Variants in OMD observed in about 807,000 individuals in gnomAD.
OMD encodes the protein osteomodulin.
Under a neutral mutation model 31.2 loss-of-function variants are expected in OMD, and 19 were observed. The ratio of observed to expected loss-of-function variants is 0.61; its 90% CI spans 0.42 to 0.89. OMD has a LOEUF of 0.89. OMD is among the 40% of genes least tolerant of loss of function. The pLI is 0.00. For synonymous variants in OMD, 155 were observed against 166.4 expected (o/e 0.93, Z 0.53); for missense variants, 448 against 490.8 (o/e 0.91, Z 0.82).
Position 92,414,037 on chromosome 9 carries a change from A to G in OMD, c.*1115T>C, listed in dbSNP as rs1028733295. On this transcript the variant is annotated 3_prime_UTR_variant, in exon 3 of 3. Coordinates refer to ENST00000375550, the MANE Select transcript of OMD (RefSeq NM_005014.3). ...ATTTGTCCCTTATCTGAGAAATTCT[A>G]TGAAACATTAGCATGGTATATCAAG... Among the ~76,000 whole-genome samples, 20 of 152,330 alleles carry G rather than the reference A, an allele frequency of 1.3e-4. No individual in the cohort carries two copies. Among genetic ancestry groups the G allele is most frequent in the African/African-American group, 4.1e-4 (17 of 41,594 alleles).
chr9:92,413,680 G>A lies in OMD; in HGVS notation c.*1472C>T, dbSNP rs577012533. Among the ~76,000 whole-genome samples the A allele has an allele frequency of 6.6e-6, 1 of 152,080 alleles. No individual in the cohort carries two copies. Among genetic ancestry groups the A allele is most frequent in the Non-Finnish European group, 1.5e-5 (1 of 67,984 alleles). On this transcript the variant is annotated 3_prime_UTR_variant, in exon 3 of 3. Transcript: ENST00000375550. ...GCTTTGCCCATATTGTGGCATCATA[G>A]TTGCACATTGTACTTTGTTTATTGA...
rs377123492 is a variant in OMD, at chr9:92,415,119, G to T, written c.*33C>A. 3.4e-6 allele frequency: 5 copies of T among 1,486,684 alleles called. No individual in the cohort carries two copies. In the African/African-American group the frequency reaches 5.6e-5, roughly 17 times the overall value. 92.1% of individuals were successfully genotyped at this position (1,486,684 alleles called of 1,614,324 possible). ...TTACTATATTAAGTATAGGTTTTGT[G>T]AAGTCGTAAGTGTATACCTATATAG... On this transcript the variant is annotated 3_prime_UTR_variant, in exon 3 of 3. Coordinates refer to ENST00000375550, the MANE Select transcript of OMD (RefSeq NM_005014.3).
intron 2 of OMD, among the ~76,000 whole-genome samples, chr9:92,416,099 T>TATATATATATA (rs1843601377): frequency 7.5e-6 from 1 of 132,850 alleles, no homozygotes; most frequent in African/African-American, 2.8e-5. Context: ...TATTTATTTA[T>TATATATATATA]TTTATTTTTT....
rs1164284241 is a variant in OMD at position 92,412,867 on chromosome 9, G to A, written c.*2285C>T. Among the ~76,000 whole-genome samples, 2 of 151,808 alleles carry A rather than the reference G, an allele frequency of 1.3e-5. No homozygotes were observed. The highest frequency in any genetic ancestry group is 6.6e-5 in the Admixed American group (1 of 15,230). The stretch of plus-strand genomic sequence containing the variant: ...ACATGTGGGTGATTTCTACCTTGTG[G>A]ATAATGCTGCTGTGGACATTTATAT... On this transcript the variant is annotated 3_prime_UTR_variant, in exon 3 of 3. Coordinates refer to ENST00000375550, the MANE Select transcript of OMD (RefSeq NM_005014.3).
rs1843516060 is a variant in OMD, at chr9:92,413,999, G to A, written c.*1153C>T. Reference sequence around the variant, plus strand: ...AGAATTGTTATCATTTGTATAGGCAGCCCTAGATTGGTATTTGTCCCTTAT... The same window carrying A: ...AGAATTGTTATCATTTGTATAGGCAACCCTAGATTGGTATTTGTCCCTTAT... On this transcript the variant is annotated 3_prime_UTR_variant, in exon 3 of 3. Coordinates refer to ENST00000375550, the MANE Select transcript of OMD (RefSeq NM_005014.3). Among the ~76,000 whole-genome samples, 1 of 152,152 alleles carries A rather than the reference G, an allele frequency of 6.6e-6. No individual in the cohort carries two copies. Among genetic ancestry groups the A allele is most frequent in the African/African-American group, 2.4e-5 (1 of 41,430 alleles).
Position 92,413,263 on chromosome 9 carries a change from A to G in OMD, c.*1889T>C, listed in dbSNP as rs1445783135. Among the ~76,000 whole-genome samples, 5 of 152,120 alleles carry G rather than the reference A, an allele frequency of 3.3e-5. No individual in the cohort carries two copies. The highest frequency in any genetic ancestry group is 4.8e-5 in the African/African-American group (2 of 41,414). On this transcript the variant is annotated 3_prime_UTR_variant, in exon 3 of 3. Coordinates refer to ENST00000375550, the MANE Select transcript of OMD (RefSeq NM_005014.3). ...CGGCCTTCCAAAGTGCTGGGATTAC[A>G]GGTGTGAGCTAATGCGCCCGACTAT...
chr9:92,416,110 T>A (rs980423565), intron 2 of OMD, among the ~76,000 whole-genome samples: 13 of 145,806 alleles, frequency 8.9e-5, no homozygotes, highest in East Asian at 7.8e-4. Context: ...TTTATTTTTT[T>A]TTTTTTTAAG....
intron 2 of OMD, among the ~76,000 whole-genome samples, chr9:92,416,074 ATT>A (rs869115945): frequency 8.6e-4 from 117 of 135,976 alleles, no homozygotes; most frequent in East Asian, 8.4e-3. Context: ...ATATATATTT[ATT>A]TATTTATTTA....
chr9:92,420,234 G>T (rs767898487), intron 1 of OMD, among the ~76,000 whole-genome samples: 39 of 152,102 alleles, frequency 2.6e-4, no homozygotes, highest in Non-Finnish European at 4.7e-4. Context: ...CAATTTCCGT[G>T]GAACCTCAGC....
In OMD at chr9:92,414,582, A is replaced by G. The variant is rs1843532706; in HGVS notation, c.*570T>C. 2 of 209,186 alleles carry G rather than the reference A, an allele frequency of 9.6e-6. No individual in the cohort carries two copies. The highest frequency in any genetic ancestry group is 1.9e-5 in the Non-Finnish European group (2 of 102,868). The allele number at this position is 209,186 out of a possible 1,614,324, so 13.0% of individuals were successfully genotyped here. ...CCTTAGTACCTGGATGGCCTCTTAC[A>G]AATCAAAAATATCATTCTATGTGCT... On this transcript the variant is annotated 3_prime_UTR_variant, in exon 3 of 3. Coordinates refer to ENST00000375550, the MANE Select transcript of OMD (RefSeq NM_005014.3).
chr9:92,422,074 A>G (rs1843818955), intron 1 of OMD, among the ~76,000 whole-genome samples: 1 of 151,692 alleles, frequency 6.6e-6, no homozygotes, highest in African/African-American at 2.4e-5. Context: ...TTTGGAGACA[A>G]GAGTCTCGTG....
intron 1 of OMD, among the ~76,000 whole-genome samples, chr9:92,423,265 A>G (rs1843868867): frequency 6.6e-6 from 1 of 152,164 alleles, no homozygotes; most frequent in South Asian, 2.1e-4. Flanking sequence ...AAAGTAATAT[A>G]TATATATTAC....
rs1843852947 is a variant in OMD, at chr9:92,422,900, C to T, written c.-17+1302G>A. On this transcript the variant is annotated intron_variant, in intron 1 of 2. Transcript: ENST00000375550. Reference sequence around the variant, plus strand: ...CATACTCTACAATGTATGCCTTGTTCTCTATAGGATAACTCACAGCAATAT... The same window carrying T: ...CATACTCTACAATGTATGCCTTGTTTTCTATAGGATAACTCACAGCAATAT... 2.0e-5 allele frequency among the ~76,000 whole-genome samples: 3 copies of T among 152,128 alleles called. No individual in the cohort carries two copies. The South Asian group carries it at 6.2e-4, about 31-fold the overall frequency.
intron 2 of OMD, 46 bp from the exon 3 acceptor site, chr9:92,415,523 C>T (rs1843566386): frequency 1.8e-6 from 2 of 1,095,318 alleles, no homozygotes; most frequent in South Asian, 3.6e-5. Context: ...TAGTATAATC[C>T]ATAGTTATAG....
At chr9:92,421,613 A>T (rs992451414) in intron 1 of OMD, among the ~76,000 whole-genome samples, 3 of 152,234 alleles carry the variant, frequency 2.0e-5, no homozygotes, top group African/African-American at 7.2e-5. Flanking sequence ...TACTGTATGT[A>T]AACATGCTTA....
chr9:92,422,986 G>C (rs1175466263), intron 1 of OMD, among the ~76,000 whole-genome samples: 3 of 151,266 alleles, frequency 2.0e-5, no homozygotes, highest in African/African-American at 4.9e-5. Context: ...CTAATACAAT[G>C]CAGTGTTATA....
At position 92,415,284 on chromosome 9, in the gene OMD, T is replaced by G; in HGVS notation, c.1134A>C (p.Gln378His). 1 of 1,613,830 alleles carries G rather than the reference T, an allele frequency of 6.2e-7. No homozygotes were observed. Among genetic ancestry groups the G allele is most frequent in the South Asian group, 1.1e-5 (1 of 91,068 alleles). ...CATCATCTGGAAATCTCCTGAAAAC[T>G]TGTGTCTTTAGTTGTATTGTTTGAC... The part of the protein sequence containing the change: ...TNGQTIQLKT[Q>H]VFRRFPDDDD... The change falls in exon 3 of 3, where the codon CAA becomes CAC. Residue 378 changes from glutamine to histidine, a missense_variant. Coordinates refer to ENST00000375550, the MANE Select transcript of OMD (RefSeq NM_005014.3).
chr9:92,421,831 G>A (rs2130970378), intron 1 of OMD, among the ~76,000 whole-genome samples: 1 of 152,278 alleles, frequency 6.6e-6, no homozygotes, highest in Middle Eastern at 3.4e-3. Flanking sequence ...ATCTAAGGCA[G>A]AGGGTAATAT....
At chr9:92,422,303 C>G (rs1843831951) in intron 1 of OMD, among the ~76,000 whole-genome samples, 2 of 152,200 alleles carry the variant, frequency 1.3e-5, no homozygotes, top group South Asian at 2.1e-4. Context: ...ATCCGCCCAC[C>G]TCAGCCTCCC....
Sources: gnomAD v4.1 joint callset for allele counts (sites outside exome capture counted in the v4.1 genomes callset) on GRCh38, gnomAD v4.1.1 for gene constraint, MANE v1.5 for transcripts, NCBI Gene and HGNC (gene_info 2026-07-23, HGNC 2026-07-21) for gene names.